FGFR4: variants seen among roughly 807,000 people sequenced by gnomAD.
FGFR4 encodes fibroblast growth factor receptor 4, also known as hydroxyaryl-protein kinase.
FGFR4 carries 63 observed loss-of-function variants against 89.9 expected under a neutral mutation model. That is an observed-to-expected ratio of 0.70 (90% CI 0.57 to 0.86). The LOEUF (loss-of-function observed/expected upper bound fraction) is 0.86, where lower values mean the gene tolerates loss of function less well. Ranked by LOEUF, FGFR4 falls within the 40% of genes least tolerant of loss-of-function variation. The pLI is 0.00. For missense variants in FGFR4, 928 were observed against 1,106.7 expected, an observed-to-expected ratio of 0.84 and a Z score of 2.29; for synonymous variants, 486 against 479.4, an observed-to-expected ratio of 1.01 and a Z score of -0.18.
At chr5:177,089,199 T>G (rs996164888) in intron 1 of FGFR4, among the ~76,000 whole-genome samples, 3 of 152,226 alleles carry the variant, frequency 2.0e-5, no homozygotes, top group Non-Finnish European at 4.4e-5. Flanking sequence ...TTCATTTATT[T>G]AGCAAAAAAG....
Position 177,090,431 on chromosome 5 carries a change from C to T in FGFR4, c.133C>T (p.Leu45=), listed in dbSNP as rs138373273. ...APSLEQQEQE[L]TVALGQPVRL... ...CAGCCTGGAGCAGCAAGAGCAGGAGCTGACAGTAGCCCTTGGGCAGCCTGT... is the reference window on the plus strand; with the variant it reads ...CAGCCTGGAGCAGCAAGAGCAGGAGTTGACAGTAGCCCTTGGGCAGCCTGT... The change falls in exon 3 of 18, where the codon CTG becomes TTG. Residue 45 remains leucine (L), a synonymous_variant. Coordinates refer to ENST00000292408, the MANE Select transcript of FGFR4 (RefSeq NM_213647.3). 3.1e-6 allele frequency: 5 copies of T among 1,605,254 alleles called. No individual in the cohort carries two copies. Among genetic ancestry groups the T allele is most frequent in the African/African-American group, 1.3e-5 (1 of 74,908 alleles).
At chr5:177,089,493 G>A in intron 1 of FGFR4, 57 bp from the exon 2 acceptor site, 1 of 1,467,430 alleles carries the variant, frequency 6.8e-7, no homozygotes. Flanking sequence ...CAAAATAAGG[G>A]AAAAGCCCCC....
Position 177,096,276 on chromosome 5 carries a change from C to G in FGFR4, c.1945-11C>G. The G allele has an allele frequency of 1.2e-6, 2 of 1,614,076 alleles. No individual in the cohort carries two copies. Among genetic ancestry groups the G allele is most frequent in the African/African-American group, 2.7e-5 (2 of 75,054 alleles). ...GTGGGACTCTGCACTGAGGCCCTCT[C>G]TCCCCTCCAGGGCCGCCTGCCTGTG... On this transcript the variant is annotated splice_polypyrimidine_tract_variant and intron_variant, in intron 14 of 17. Coordinates refer to ENST00000292408, the MANE Select transcript of FGFR4 (RefSeq NM_213647.3).
chr5:177,089,727 G>T (rs1183525969), intron 2 of FGFR4, 34 bp downstream of exon 2: 1 of 1,604,968 alleles, frequency 6.2e-7, no homozygotes, highest in Non-Finnish European at 8.5e-7. Context: ...GGTGGCAGGG[G>T]TGGGAAGAGT....
Position 177,090,098 on chromosome 5 carries a change from T to TTG in FGFR4, c.92-278_92-277dup, listed in dbSNP as rs745763878. On this transcript the variant is annotated intron_variant, in intron 2 of 17. Transcript: ENST00000292408. ...GTATGTGGCACCAACAGCATGTGCC[T>TTG]TGTGTGTGTGTGTGTCCGTATGTGT... is the stretch of plus-strand genomic sequence containing the variant. The TTG allele has an allele frequency of 8.0e-3, 5,124 of 643,038 alleles. 90 individuals are homozygous for TTG. The highest frequency in any genetic ancestry group is 0.065 in the African/African-American group (3,512 of 54,398). The allele number at this position is 643,038 out of a possible 1,614,324, so 39.8% of individuals were successfully genotyped here.
At position 177,095,801 on chromosome 5, in the gene FGFR4, T is replaced by C. The variant is rs1476832371; in HGVS notation, c.1821+78T>C. 2.1e-6 allele frequency: 3 copies of C among 1,405,538 alleles called. No individual in the cohort carries two copies. Among genetic ancestry groups the C allele is most frequent in the Non-Finnish European group, 2.8e-6 (3 of 1,053,304 alleles). 87.1% of individuals were successfully genotyped at this position (1,405,538 alleles called of 1,614,324 possible). A position where few individuals can be genotyped will look rare whatever the true frequency, so the allele number is the denominator to read the frequency against. ...GGCCTGTGGCATTCAATGTCCCGAC[T>C]TCTCCCTCTCTGCTCTTTTTCATGA... On this transcript the variant is annotated intron_variant, in intron 13 of 17. Coordinates refer to ENST00000292408, the MANE Select transcript of FGFR4 (RefSeq NM_213647.3). The surrounding 1 kb of genome is among the most constrained non-coding windows in gnomAD (Gnocchi z 5.7).
In FGFR4 at chr5:177,090,452, C is replaced by G; in HGVS notation, c.154C>G (p.Pro52Ala). The G allele has an allele frequency of 1.9e-6, 3 of 1,603,990 alleles. No individual in the cohort carries two copies. The highest frequency in any genetic ancestry group is 2.5e-6 in the Non-Finnish European group (3 of 1,177,218). Residue 52 changes from proline to alanine, a missense_variant, in exon 3 of 18, where the codon CCT (proline) becomes GCT (alanine). Pro to Ala is a conservative substitution (Grantham distance 27). Transcript: ENST00000292408. The stretch of plus-strand genomic sequence containing the variant: ...GGAGCTGACAGTAGCCCTTGGGCAG[C>G]CTGTGCGTCTGTGCTGTGGGCGGGC... ...EQELTVALGQ[P>A]VRLCCGRAER...
Position 177,092,500 on chromosome 5 carries a change from C to A in FGFR4, c.907C>A (p.Gln303Lys), listed in dbSNP as rs2149734076. ...SFGADGFPYV[Q>K]VLKTADINSS... ...CGGAGCCGACGGTTTCCCCTATGTG[C>A]AAGTCCTAAAGGTAAAAGGTGCACC... The change falls in exon 7 of 18, where the codon CAA becomes AAA. Residue 303 changes from glutamine (Q) to lysine (K), a missense_variant. Around this residue, in one of 5 missense-constraint regions of FGFR4, gnomAD observed 741 missense variants for 836.9 expected, o/e 0.89. Coordinates refer to ENST00000292408, the MANE Select transcript of FGFR4 (RefSeq NM_213647.3). The A allele has an allele frequency of 6.3e-7, 1 of 1,586,546 alleles. No individual in the cohort carries two copies. Among genetic ancestry groups the A allele is most frequent in the Non-Finnish European group, 8.6e-7 (1 of 1,165,722 alleles).
rs1337159222 is a variant in FGFR4 at position 177,087,702 on chromosome 5, C to A, written c.-54+625C>A. The stretch of plus-strand genomic sequence containing the variant: ...CAAGCTGTGTACCCAAAGAGCTGCC[C>A]TCCCTGCCAAGCCGAGCTTGGTAGG... On this transcript the variant is annotated intron_variant, in intron 1 of 17. Coordinates refer to ENST00000292408, the MANE Select transcript of FGFR4 (RefSeq NM_213647.3). The surrounding 1 kb of genome is among the most constrained non-coding windows in gnomAD (Gnocchi z 6.1). 1 of 944,684 alleles carries A rather than the reference C, an allele frequency of 1.1e-6. No homozygotes were observed. Among genetic ancestry groups the A allele is most frequent in the Non-Finnish European group, 1.3e-6 (1 of 792,832 alleles). 58.5% of individuals were successfully genotyped at this position (944,684 alleles called of 1,614,324 possible). A position where few individuals can be genotyped will look rare whatever the true frequency, so the allele number is the denominator to read the frequency against.
intron 7 of FGFR4, 56 bp from the exon 8 acceptor site, chr5:177,092,590 G>A: frequency 3.8e-6 from 6 of 1,572,066 alleles, no homozygotes; most frequent in Non-Finnish European, 5.2e-6. Context: ...CTTCCCTGTT[G>A]GCCACAGTGT....
intron 8 of FGFR4, 36 bp downstream of exon 8, chr5:177,092,820 G>T: frequency 6.2e-7 from 1 of 1,613,952 alleles, no homozygotes; most frequent in Non-Finnish European, 8.5e-7. Flanking sequence ...GCTGCGAGAT[G>T]CCCCTCTGGG....
rs562836932 is a variant in FGFR4, at chr5:177,090,981, T to C, written c.480T>C (p.His160=). 7.4e-6 allele frequency: 12 copies of C among 1,614,118 alleles called. No individual in the cohort carries two copies. Among genetic ancestry groups the C allele is most frequent in the Admixed American group, 1.7e-5 (1 of 60,028 alleles). The part of the protein sequence containing the change: ...THPQRMEKKL[H]AVPAGNTVKF... ...CCCAGCGCATGGAGAAGAAACTGCA[T>C]GCAGTACCTGCGGGGAACACCGTCA... The change falls in exon 5 of 18, where the codon CAT becomes CAC. Residue 160 remains histidine, a synonymous_variant. Transcript: ENST00000292408.
Position 177,095,616 on chromosome 5 carries a change from C to G in FGFR4, c.1714C>G (p.Leu572Val). The change falls in exon 13 of 18, where the codon CTC becomes GTC. Residue 572 changes from leucine to valine, a missense_variant. By Grantham distance (32) the Leu-to-Val change is conservative. Transcript: ENST00000292408. This position sits in a 1 kb window ranked among gnomAD's most constrained non-coding sequence, Gnocchi z 5.7. ...GGCCCGGCGCCCCCCAGGCCCCGAC[C>G]TCAGCCCCGACGGTCCTCGGAGCAG... ...LRARRPPGPD[L>V]SPDGPRSSEG... 1.2e-6 allele frequency: 2 copies of G among 1,605,568 alleles called. No homozygotes were observed. Among genetic ancestry groups the G allele is most frequent in the Non-Finnish European group, 8.5e-7 (1 of 1,177,160 alleles).
At position 177,090,769 on chromosome 5, in the gene FGFR4, A is replaced by G; in HGVS notation, c.380A>G (p.Asp127Gly). The change falls in exon 4 of 18, where the codon GAT (aspartate) becomes GGT (glycine). Residue 127 changes from aspartate (D) to glycine (G), a missense_variant. Around this residue, in one of 5 missense-constraint regions of FGFR4, gnomAD observed 741 missense variants for 836.9 expected, o/e 0.89. Transcript: ENST00000292408. ...GACTCCTTGACCTCCAGCAACGATG[A>G]TGAGGACCCCAAGTCCCATAGGGAC... ...TGDSLTSSND[D>G]EDPKSHRDPS... 1 of 1,610,784 alleles carries G rather than the reference A, an allele frequency of 6.2e-7. No homozygotes were observed. Among genetic ancestry groups the G allele is most frequent in the Non-Finnish European group, 8.5e-7 (1 of 1,177,648 alleles).
chr5:177,093,525 C>T lies in FGFR4; in HGVS notation c.1371C>T (p.Asp457=), dbSNP rs1367665129. 1 of 1,613,766 alleles carries T rather than the reference C, an allele frequency of 6.2e-7. No individual in the cohort carries two copies. The highest frequency in any genetic ancestry group is 1.7e-5 in the Admixed American group (1 of 59,998). ...AGLVSLDLPL[D]PLWEFPRDRL... is the part of the protein sequence containing the mutation. ...TCGTGAGTCTAGATCTACCTCTCGA[C>T]CCACTATGGGAGTTCCCCCGGGACA... is the stretch of plus-strand genomic sequence containing the variant. Residue 457 remains aspartate (D), a synonymous_variant, in exon 10 of 18, where the codon GAC becomes GAT. Transcript: ENST00000292408. The surrounding 1 kb of genome is among the most constrained non-coding windows in gnomAD (Gnocchi z 5.8).
rs549822181 is a variant in FGFR4 at position 177,087,112 on chromosome 5, C to T, written c.-54+35C>T. On this transcript the variant is annotated intron_variant, in intron 1 of 17. Transcript: ENST00000292408. This position sits in a 1 kb window ranked among gnomAD's most constrained non-coding sequence, Gnocchi z 6.1. ...AACCCTTGTGGGCCCGGGCTGCGCT[C>T]CCAGCCGCCAGGGGGCGAGAGGCGG... The T allele has an allele frequency of 4.2e-4, 64 of 152,204 alleles. No individual in the cohort carries two copies. Among genetic ancestry groups the T allele is most frequent in the African/African-American group, 1.5e-3 (61 of 41,490 alleles). The allele number at this position is 152,204 out of a possible 1,614,324, so 9.4% of individuals were successfully genotyped here.
chr5:177,089,762 C>T, intron 2 of FGFR4, 69 bp downstream of exon 2: 1 of 1,563,920 alleles, frequency 6.4e-7, no homozygotes, highest in Non-Finnish European at 8.7e-7. Flanking sequence ...GGCTGCTGGG[C>T]TGAGCAAAGC....
rs1199815361 is a variant in FGFR4 at position 177,097,479 on chromosome 5, C to T, written c.2260-48C>T. The stretch of plus-strand genomic sequence containing the variant: ...GGCCTGACCGCGTGGACATGCGCCC[C>T]GTCCCATCCCGGGCGCTGCAGAGGC... On this transcript the variant is annotated intron_variant, in intron 17 of 17. Coordinates refer to ENST00000292408, the MANE Select transcript of FGFR4 (RefSeq NM_213647.3). The T allele has an allele frequency of 3.7e-6, 6 of 1,603,388 alleles. No homozygotes were observed. In the East Asian group the frequency reaches 6.7e-5, roughly 18 times the overall value.
Position 177,093,704 on chromosome 5 carries a change from G to A in FGFR4, c.1448G>A (p.Arg483His), listed in dbSNP as rs141384037. 1.4e-5 allele frequency: 22 copies of A among 1,614,096 alleles called. No individual in the cohort carries two copies. The highest frequency in any genetic ancestry group is 1.6e-4 in the Middle Eastern group (1 of 6,080). ...LGEGCFGQVV[R>H]AEAFGMDPAR... Reference sequence around the variant, plus strand: ...GAGGGCTGCTTTGGCCAGGTAGTACGTGCAGAGGCCTTTGGCATGGACCCT... The same window carrying A: ...GAGGGCTGCTTTGGCCAGGTAGTACATGCAGAGGCCTTTGGCATGGACCCT... The change falls in exon 11 of 18, where the codon CGT becomes CAT. Residue 483 changes from arginine to histidine, a missense_variant. By Grantham distance (29) the Arg-to-His change is conservative. Around this residue, in one of 5 missense-constraint regions of FGFR4, gnomAD observed 741 missense variants for 836.9 expected, o/e 0.89. Transcript: ENST00000292408. This position sits in a 1 kb window ranked among gnomAD's most constrained non-coding sequence, Gnocchi z 5.8.
Sources: gnomAD v4.1 joint callset for allele counts (sites outside exome capture counted in the v4.1 genomes callset) on GRCh38, gnomAD v4.1.1 for gene constraint, gnomAD v4.1.1 regional missense constraint, Gnocchi (gnomAD v3.1) non-coding constraint, MANE v1.5 for transcripts, NCBI Gene and HGNC (gene_info 2026-07-23, HGNC 2026-07-21) for gene names.